Variants in PDZRN3 observed in about 807,000 individuals in gnomAD.
PDZRN3 encodes the protein E3 ubiquitin-protein ligase PDZRN3.
Under a neutral mutation model 85.7 loss-of-function variants are expected in PDZRN3, and 38 were observed. The observed-to-expected ratio is 0.44, with a 90% CI of 0.34 to 0.58. The LOEUF is 0.58. Ranked by LOEUF, PDZRN3 falls within the 20% of genes least tolerant of loss-of-function variation. The probability of loss-of-function intolerance (pLI) is 0.01; values close to 1 mark genes in which losing one functional copy is unlikely to be tolerated. For synonymous variants in PDZRN3, 759 were observed against 638.0 expected (o/e 1.19, Z -2.86); for missense variants, 1,629 against 1,506.4 (o/e 1.08, Z -1.35).
intron 8 of PDZRN3, among the ~76,000 whole-genome samples, chr3:73,387,122 C>T (rs1470234934): frequency 6.6e-6 from 1 of 152,210 alleles, no homozygotes; most frequent in East Asian, 1.9e-4. Flanking sequence ...CTTTTGCCTT[C>T]CACCATGATT....
chr3:73,553,672 G>A (rs1701620395), intron 3 of PDZRN3, among the ~76,000 whole-genome samples: 1 of 152,006 alleles, frequency 6.6e-6, no homozygotes, highest in Non-Finnish European at 1.5e-5. Flanking sequence ...TTGAACTCAA[G>A]CCCTCTAATG....
chr3:73,386,442 C>T (rs1265068549), intron 8 of PDZRN3, among the ~76,000 whole-genome samples: 1 of 152,068 alleles, frequency 6.6e-6, no homozygotes, highest in Non-Finnish European at 1.5e-5. Flanking sequence ...GAACCTCCTG[C>T]CTCAGCCTCC....
At chr3:73,431,151 T>G (rs906793741) in intron 3 of PDZRN3, among the ~76,000 whole-genome samples, 3 of 152,226 alleles carry the variant, frequency 2.0e-5, no homozygotes, top group African/African-American at 7.2e-5. Flanking sequence ...GTGCATCTTT[T>G]AATGCATGGC....
At chr3:73,420,648 T>C (rs1402527020) in intron 3 of PDZRN3, among the ~76,000 whole-genome samples, 1 of 152,222 alleles carries the variant, frequency 6.6e-6, no homozygotes, top group Non-Finnish European at 1.5e-5. Flanking sequence ...CCCATCATTT[T>C]AACTGTCCCC....
At chr3:73,497,219 GA>G (rs887206056) in intron 3 of PDZRN3, among the ~76,000 whole-genome samples, 135 of 151,012 alleles carry the variant, frequency 8.9e-4, no homozygotes, top group African/African-American at 3.1e-3. Context: ...ACTCAGAACA[GA>G]AAAAAAAATG....
intron 3 of PDZRN3, among the ~76,000 whole-genome samples, chr3:73,592,804 C>A (rs1394836572): frequency 5.3e-5 from 8 of 152,172 alleles, no homozygotes. Flanking sequence ...CTTGCAGCTG[C>A]CATTCTGCCC....
chr3:73,450,253 T>C (rs1200206449), intron 3 of PDZRN3, among the ~76,000 whole-genome samples: 2 of 152,214 alleles, frequency 1.3e-5, no homozygotes, highest in African/African-American at 4.8e-5. Context: ...ACTGATCCCA[T>C]ATGCCTTCTC....
At chr3:73,410,516 G>T (rs1032410598) in intron 3 of PDZRN3, among the ~76,000 whole-genome samples, 2 of 152,118 alleles carry the variant, frequency 1.3e-5, no homozygotes, top group Non-Finnish European at 2.9e-5. Context: ...CCTAGATTTG[G>T]TATTTTTACA....
At chr3:73,540,087 G>GAAAAAA (rs1168662549) in intron 3 of PDZRN3, among the ~76,000 whole-genome samples, 2 of 50,042 alleles carry the variant, frequency 4.0e-5, no homozygotes, top group African/African-American at 7.5e-5. Context: ...ACTGTTGGAT[G>GAAAAAA]AAAAAAAAAA....
chr3:73,446,556 C>T (rs1032156061), intron 3 of PDZRN3, among the ~76,000 whole-genome samples: 1 of 152,166 alleles, frequency 6.6e-6, no homozygotes, highest in Non-Finnish European at 1.5e-5. Context: ...GACATAACCT[C>T]AGGAGTTTCA....
chr3:73,449,129 G>A (rs890292551), intron 3 of PDZRN3, among the ~76,000 whole-genome samples: 1 of 152,124 alleles, frequency 6.6e-6, no homozygotes, highest in Admixed American at 6.5e-5. Flanking sequence ...GCTAACAAGT[G>A]AAACTACAAG....
At chr3:73,405,008 T>C (rs1212062251) in intron 3 of PDZRN3, among the ~76,000 whole-genome samples, 1 of 152,222 alleles carries the variant, frequency 6.6e-6, no homozygotes, top group East Asian at 1.9e-4. Context: ...CTGTGTGCAG[T>C]GCTTTGCTAT....
At chr3:73,568,737 T>G (rs1182967854) in intron 3 of PDZRN3, among the ~76,000 whole-genome samples, 2 of 152,194 alleles carry the variant, frequency 1.3e-5, no homozygotes, top group African/African-American at 4.8e-5. Flanking sequence ...TAGCCCTACC[T>G]TCTAATACAT....
intron 3 of PDZRN3, among the ~76,000 whole-genome samples, chr3:73,572,091 G>A (rs574259666): frequency 6.6e-6 from 1 of 152,286 alleles, no homozygotes; most frequent in East Asian, 1.9e-4. Flanking sequence ...TTCTTTTAAA[G>A]AAAAGCAAGC....
chr3:73,427,421 T>C (rs1183278678), intron 3 of PDZRN3, among the ~76,000 whole-genome samples: 1 of 152,182 alleles, frequency 6.6e-6, no homozygotes, highest in African/African-American at 2.4e-5. Context: ...CGGTATTCTT[T>C]TGTGCATTAC....
In PDZRN3 at chr3:73,385,064, A is replaced by G. The variant is rs1701336950; in HGVS notation, c.1636-134T>C. 5.0e-6 allele frequency: 5 copies of G among 1,007,310 alleles called. No individual in the cohort carries two copies. The South Asian group carries it at 6.6e-5, about 13-fold the overall frequency. 62.4% of individuals were successfully genotyped at this position (1,007,310 alleles called of 1,614,324 possible). ...AGGCCAAGGGACAGCATCTGACAGTAGGACCACGTCAATAGCGTGGGCCTT... is the reference window on the plus strand; with the variant it reads ...AGGCCAAGGGACAGCATCTGACAGTGGGACCACGTCAATAGCGTGGGCCTT... On this transcript the variant is annotated intron_variant, in intron 9 of 9. Transcript: ENST00000263666.
chr3:73,568,074 C>A (rs1701979682), intron 3 of PDZRN3, among the ~76,000 whole-genome samples: 1 of 152,084 alleles, frequency 6.6e-6, no homozygotes, highest in Non-Finnish European at 1.5e-5. Flanking sequence ...AGGTAACAGA[C>A]AAGCAACAAA....
chr3:73,418,244 G>A (rs754556038), intron 3 of PDZRN3, among the ~76,000 whole-genome samples: 4 of 152,066 alleles, frequency 2.6e-5, no homozygotes, highest in Admixed American at 2.0e-4. Flanking sequence ...TATCTTAGCC[G>A]CACAGAACAC....
chr3:73,496,571 TA>T (rs56806571), intron 3 of PDZRN3, among the ~76,000 whole-genome samples: 1 of 150,242 alleles, frequency 6.7e-6, no homozygotes, highest in African/African-American at 2.4e-5. Flanking sequence ...AAAGAGGACT[TA>T]AAAAAAAACA....
Sources: gnomAD v4.1 joint callset for allele counts (sites outside exome capture counted in the v4.1 genomes callset) on GRCh38, gnomAD v4.1.1 for gene constraint, MANE v1.5 for transcripts, NCBI Gene and HGNC (gene_info 2026-07-23, HGNC 2026-07-21) for gene names.